TRIO: variants seen among roughly 807,000 people sequenced by gnomAD.
The protein encoded by TRIO is trio Rho guanine nucleotide exchange factor.
Under a neutral mutation model 351.9 loss-of-function variants are expected in TRIO, and 58 were observed. The observed-to-expected ratio is 0.16, with a 90% CI of 0.13 to 0.21. TRIO has a LOEUF of 0.21. Among genes scored for constraint, TRIO ranks in the 10% least tolerant of loss-of-function variants. TRIO has a pLI of 1.00. For synonymous variants in TRIO, 1,758 were observed against 1,595.7 expected (o/e 1.10, Z -2.42); for missense variants, 3,201 against 4,027.8 (o/e 0.79, Z 5.56).
In TRIO at chr5:14,310,898, C is replaced by A. The variant is rs183575716; in HGVS notation, c.1501-5615C>A. Among the ~76,000 whole-genome samples the A allele has an allele frequency of 2.0e-5, 3 of 152,308 alleles. No homozygotes were observed. The East Asian group carries it at 5.8e-4, about 29-fold the overall frequency. ...ACAGGGTTTTGCCATGTTGGCCAGG[C>A]TGGTCTTGAACTCCTGACTTCAAGT... On this transcript the variant is annotated intron_variant, in intron 8 of 56. Transcript: ENST00000344204.
intron 21 of TRIO, among the ~76,000 whole-genome samples, chr5:14,386,384 C>T (rs551203865): frequency 1.3e-5 from 2 of 152,192 alleles, no homozygotes; most frequent in African/African-American, 2.4e-5. Flanking sequence ...AGGATCTTGA[C>T]AGCTGACTTC....
At chr5:14,183,998 A>G (rs1253528917) in intron 1 of TRIO, 1 of 697,756 alleles carries the variant, frequency 1.4e-6, no homozygotes, top group Non-Finnish European at 2.6e-6. Context: ...TACAGTTCTT[A>G]TTTTGGCTCT....
chr5:14,255,460 G>A (rs1209986756), intron 1 of TRIO, among the ~76,000 whole-genome samples: 2 of 152,216 alleles, frequency 1.3e-5, no homozygotes, highest in Admixed American at 1.3e-4. Context: ...CAGTGAAATT[G>A]TATTAAATAA....
At chr5:14,292,962 G>A in intron 5 of TRIO, 50 bp from the exon 6 acceptor site, 1 of 1,611,976 alleles carries the variant, frequency 6.2e-7, no homozygotes, top group Non-Finnish European at 8.5e-7. Context: ...GCTTGTGTCA[G>A]TAATTTCTCT....
At chr5:14,262,627 A>C (rs1795417544) in intron 1 of TRIO, among the ~76,000 whole-genome samples, 1 of 152,144 alleles carries the variant, frequency 6.6e-6, no homozygotes. Flanking sequence ...CATGAGGGCA[A>C]TGCTGGCAGA....
chr5:14,445,476 T>C (rs27114), intron 34 of TRIO, among the ~76,000 whole-genome samples: 75,577 of 152,110 alleles, frequency 0.5, 20,721 homozygotes, highest in African/African-American at 0.74. Context: ...TGTAAAATGA[T>C]GCTTCTTTTG....
intron 48 of TRIO, 32 bp downstream of exon 48, chr5:14,488,292 C>G (rs1310739551): frequency 6.6e-7 from 1 of 1,522,660 alleles, no homozygotes; most frequent in Admixed American, 2.0e-5. Context: ...CGCCCTCCCG[C>G]CCCCCTGCCT....
intron 54 of TRIO, among the ~76,000 whole-genome samples, chr5:14,502,976 TTC>T (rs2126702477): frequency 6.6e-6 from 1 of 152,386 alleles, no homozygotes; most frequent in East Asian, 1.9e-4. Flanking sequence ...TTTCAAACGC[TTC>T]TTGTAGTTCT....
chr5:14,381,723 G>C (rs1746125079), intron 21 of TRIO, among the ~76,000 whole-genome samples: 1 of 152,174 alleles, frequency 6.6e-6, no homozygotes, highest in Non-Finnish European at 1.5e-5. Flanking sequence ...GCAGTTGTCT[G>C]TGTTTTATGG....
chr5:14,307,143 A>G (rs1292998195), intron 8 of TRIO, among the ~76,000 whole-genome samples: 2 of 152,154 alleles, frequency 1.3e-5, no homozygotes, highest in Non-Finnish European at 2.9e-5. Flanking sequence ...TAGCACAGAG[A>G]ACTCCCACAT....
At chr5:14,452,791 G>C (rs1752933632) in intron 34 of TRIO, among the ~76,000 whole-genome samples, 1 of 152,136 alleles carries the variant, frequency 6.6e-6, no homozygotes, top group African/African-American at 2.4e-5. Context: ...AAGTCTTTAA[G>C]ACTTTTTTAC....
At chr5:14,360,220 A>G (rs936636888) in intron 13 of TRIO, among the ~76,000 whole-genome samples, 5 of 152,224 alleles carry the variant, frequency 3.3e-5, no homozygotes, top group African/African-American at 9.6e-5. Context: ...TGCATCTTAT[A>G]TGTGAACAGG....
chr5:14,359,335 G>A lies in TRIO; in HGVS notation c.2217-22G>A, dbSNP rs780542232. 10 of 1,598,778 alleles carry A rather than the reference G, an allele frequency of 6.3e-6. No homozygotes were observed. The East Asian group carries it at 2.2e-4, about 36-fold the overall frequency. On this transcript the variant is annotated intron_variant, in intron 12 of 56. Coordinates refer to ENST00000344204, the MANE Select transcript of TRIO (RefSeq NM_007118.4). ...TGTGTGACTTTCTCATCCAATTCCT[G>A]TTCCTCTGTGTGCTCTCGCAGGGAC... is the stretch of plus-strand genomic sequence containing the variant.
Position 14,428,414 on chromosome 5 carries a change from AG to A in TRIO, c.5203+8394del, listed in dbSNP as rs141465633. On this transcript the variant is annotated intron_variant, in intron 34 of 56. Coordinates refer to ENST00000344204, the MANE Select transcript of TRIO (RefSeq NM_007118.4). The stretch of plus-strand genomic sequence containing the variant: ...TTTTTTAATTAGCTTGGAAAAGAGC[AG>A]TTGTATTCTGTTTGAACAGCTGCTA... 1.7e-3 allele frequency among the ~76,000 whole-genome samples: 256 copies of A among 152,334 alleles called. 4 individuals carry two copies. The highest frequency in any genetic ancestry group is 5.9e-3 in the African/African-American group (244 of 41,562).
chr5:14,405,581 G>T (rs936891882), intron 31 of TRIO, among the ~76,000 whole-genome samples: 1 of 152,190 alleles, frequency 6.6e-6, no homozygotes, highest in Non-Finnish European at 1.5e-5. Flanking sequence ...TGCTTAAAAG[G>T]TCTTGGGGCT....
chr5:14,378,517 TTAAAA>T (rs931379523), intron 20 of TRIO, among the ~76,000 whole-genome samples: 4 of 152,188 alleles, frequency 2.6e-5, no homozygotes, highest in African/African-American at 9.7e-5. Flanking sequence ...ATTAATCAAG[TTAAAA>T]TTAAGTAGGA....
chr5:14,447,612 A>G (rs1752535238), intron 34 of TRIO, among the ~76,000 whole-genome samples: 1 of 152,200 alleles, frequency 6.6e-6, no homozygotes, highest in African/African-American at 2.4e-5. Flanking sequence ...CTTTTTAAAA[A>G]ATCTGCGTAT....
At chr5:14,374,399 A>G (rs1745383193) in intron 19 of TRIO, 56 bp downstream of exon 19, 2 of 1,386,888 alleles carry the variant, frequency 1.4e-6, no homozygotes, top group Admixed American at 4.0e-5. Flanking sequence ...GCAAGAGACA[A>G]AAGGAGCCTG....
intron 1 of TRIO, among the ~76,000 whole-genome samples, chr5:14,216,405 G>T (rs1355677557): frequency 2.0e-5 from 3 of 152,202 alleles, no homozygotes; most frequent in South Asian, 2.1e-4. Context: ...TTTGAAAAAA[G>T]ATGTGGTGTT....
Sources: gnomAD v4.1 joint callset for allele counts (sites outside exome capture counted in the v4.1 genomes callset) on GRCh38, gnomAD v4.1.1 for gene constraint, MANE v1.5 for transcripts, NCBI Gene and HGNC (gene_info 2026-07-23, HGNC 2026-07-21) for gene names.